The following MAGI3 variants were observed in gnomAD, a reference collection of about 807,000 sequenced individuals.
The protein encoded by MAGI3 is membrane-associated guanylate kinase, WW and PDZ domain-containing protein 3.
Under a neutral mutation model 121.8 loss-of-function variants are expected in MAGI3, and 43 were observed. The observed-to-expected ratio is 0.35, with a 90% CI of 0.28 to 0.46. MAGI3 has a LOEUF of 0.46. MAGI3 is among the 20% of genes least tolerant of loss of function. The probability of loss-of-function intolerance (pLI) is 1.00; values close to 1 mark genes in which losing one functional copy is unlikely to be tolerated. For missense variants in MAGI3, 1,547 were observed against 1,797.3 expected, an observed-to-expected ratio of 0.86 and a Z score of 2.52; for synonymous variants, 553 against 639.3, an observed-to-expected ratio of 0.86 and a Z score of 2.04.
chr1:113,437,806 T>TCTTCTTCTTC (rs1557756798), intron 1 of MAGI3, among the ~76,000 whole-genome samples: 1 of 119,500 alleles, frequency 8.4e-6, no homozygotes. Context: ...TCTTTCTTCT[T>TCTTCTTCTTC]TTCTTCTTCT....
chr1:113,522,798 C>T (rs889095213), intron 1 of MAGI3, among the ~76,000 whole-genome samples: 6 of 152,006 alleles, frequency 3.9e-5, no homozygotes, highest in Admixed American at 6.6e-5. Flanking sequence ...TTTTTTTAAA[C>T]GAAACTACTT....
intron 1 of MAGI3, among the ~76,000 whole-genome samples, chr1:113,402,750 G>A (rs775145342): frequency 1.3e-5 from 2 of 152,140 alleles, no homozygotes; most frequent in Non-Finnish European, 2.9e-5. Context: ...CGGCTGCAGT[G>A]ATGGCATAAC....
At chr1:113,647,934 TCCC>T (rs5777163) in intron 12 of MAGI3, among the ~76,000 whole-genome samples, 1 of 146,964 alleles carries the variant, frequency 6.8e-6, no homozygotes, top group African/African-American at 2.6e-5. Context: ...TTTTTTTTTT[TCCC>T]CTGAGACAGA....
chr1:113,642,296 T>G lies in MAGI3; in HGVS notation c.1746T>G (p.Ile582Met), dbSNP rs2101824336. ...CTGAACTAGTGACTATCCCTTTGAT[T>G]AAGGGCCCTAAAGGGTTTGGGTTTG... ...SQPELVTIPL[I>M]KGPKGFGFAI... The change falls in exon 10 of 21, where the codon ATT becomes ATG. Residue 582 changes from isoleucine (I) to methionine (M), a missense_variant. Coordinates refer to ENST00000307546, the MANE Select transcript of MAGI3 (RefSeq NM_001142782.2). 6.2e-7 allele frequency: 1 copy of G among 1,614,128 alleles called. No individual in the cohort carries two copies. The highest frequency in any genetic ancestry group is 8.5e-7 in the Non-Finnish European group (1 of 1,180,034).
At position 113,679,742 on chromosome 1, in the gene MAGI3, G is replaced by A. The variant is rs995335177; in HGVS notation, c.3190-1456G>A. Among the ~76,000 whole-genome samples the A allele has an allele frequency of 2.8e-5, 4 of 143,976 alleles. No homozygotes were observed. In the South Asian group the frequency reaches 6.5e-4, roughly 24 times the overall value. The allele number at this position is 143,976 out of a possible 152,430, so 94.5% of individuals were successfully genotyped here. A position where few individuals can be genotyped will look rare whatever the true frequency, so the allele number is the denominator to read the frequency against. On this transcript the variant is annotated intron_variant, in intron 19 of 20. Coordinates refer to ENST00000307546, the MANE Select transcript of MAGI3 (RefSeq NM_001142782.2). ...TTTTTTTTGAGACGGAGTTTCGCTC[G>A]CTGCCCAGACTGGAGTGCAGTGGTG...
chr1:113,569,315 C>G (rs1660561602), intron 2 of MAGI3, among the ~76,000 whole-genome samples: 1 of 152,076 alleles, frequency 6.6e-6, no homozygotes, highest in Admixed American at 6.6e-5. Flanking sequence ...TTTGCCCTAT[C>G]TTCATTATTT....
chr1:113,679,439 G>A, intron 19 of MAGI3, among the ~76,000 whole-genome samples: 1 of 152,078 alleles, frequency 6.6e-6, no homozygotes, highest in Admixed American at 6.6e-5. Flanking sequence ...ACATGATTTC[G>A]CTCTTTTTAT....
rs373317541 is a variant in MAGI3, at chr1:113,448,426, T to C, written c.316+57077T>C. 3.3e-5 allele frequency among the ~76,000 whole-genome samples: 5 copies of C among 152,328 alleles called. No individual in the cohort carries two copies. In the East Asian group the frequency reaches 9.6e-4, roughly 29 times the overall value. ...TGAACCTACCCTTCTCCTTTCACAT[T>C]ATATCACCAGTATAAGAGCAGAATT... On this transcript the variant is annotated intron_variant, in intron 1 of 20. Coordinates refer to ENST00000307546, the MANE Select transcript of MAGI3 (RefSeq NM_001142782.2).
chr1:113,473,024 T>G (rs1292829560), intron 1 of MAGI3, among the ~76,000 whole-genome samples: 1 of 152,206 alleles, frequency 6.6e-6, no homozygotes, highest in Non-Finnish European at 1.5e-5. Flanking sequence ...TATTCTGAAT[T>G]TGAATTTATA....
intron 1 of MAGI3, among the ~76,000 whole-genome samples, chr1:113,445,380 T>A (rs1349468061): frequency 6.6e-6 from 1 of 151,954 alleles, no homozygotes; most frequent in Non-Finnish European, 1.5e-5. Flanking sequence ...GGTGAGAGGA[T>A]CATTTGAGGC....
At chr1:113,638,691 C>A (rs1343330930) in intron 9 of MAGI3, among the ~76,000 whole-genome samples, 1 of 152,236 alleles carries the variant, frequency 6.6e-6, no homozygotes, top group Non-Finnish European at 1.5e-5. Flanking sequence ...GTCAGGGACC[C>A]ACTTGAGGAG....
At chr1:113,666,663 G>T (rs936216148) in intron 16 of MAGI3, among the ~76,000 whole-genome samples, 10 of 152,240 alleles carry the variant, frequency 6.6e-5, no homozygotes, top group African/African-American at 2.2e-4. Flanking sequence ...TGATATTTTT[G>T]ACCTCTTCCC....
At chr1:113,450,625 TG>T in intron 1 of MAGI3, 2 of 1,051,916 alleles carry the variant, frequency 1.9e-6, no homozygotes, top group Non-Finnish European at 1.5e-6. Context: ...AATCAAATTA[TG>T]GACCCGTGAA....
intron 19 of MAGI3, among the ~76,000 whole-genome samples, chr1:113,676,022 CCTCCT>C: frequency 6.6e-6 from 1 of 151,698 alleles, no homozygotes; most frequent in Non-Finnish European, 1.5e-5. Context: ...CCTCCCCTCC[CCTCCT>C]ATCTTCTCTT....
intron 6 of MAGI3, among the ~76,000 whole-genome samples, chr1:113,600,561 T>G (rs1294339889): frequency 1.3e-5 from 2 of 151,696 alleles, no homozygotes; most frequent in Admixed American, 6.6e-5. Context: ...CACTGCTCAA[T>G]GAAATAAAAG....
At chr1:113,596,293 T>G (rs1042560780) in intron 6 of MAGI3, among the ~76,000 whole-genome samples, 1 of 152,154 alleles carries the variant, frequency 6.6e-6, no homozygotes, top group African/African-American at 2.4e-5. Context: ...CCAACTGATA[T>G]GGAAAAATGA....
At chr1:113,561,692 G>A (rs1660240847) in intron 2 of MAGI3, among the ~76,000 whole-genome samples, 2 of 152,220 alleles carry the variant, frequency 1.3e-5, no homozygotes, top group South Asian at 4.1e-4. Flanking sequence ...CATTCCCCTT[G>A]AAAACCAGCA....
chr1:113,619,939 A>G, intron 8 of MAGI3, 109 bp downstream of exon 8: 2 of 693,478 alleles, frequency 2.9e-6, no homozygotes, highest in Non-Finnish European at 5.0e-6. Flanking sequence ...GACACTAAAG[A>G]GTGTCTAGTT....
At chr1:113,497,184 G>A (rs1157746266) in intron 1 of MAGI3, among the ~76,000 whole-genome samples, 2 of 151,808 alleles carry the variant, frequency 1.3e-5, no homozygotes, top group African/African-American at 2.4e-5. Context: ...TTGATCCCAG[G>A]AGGTGGAGGT....
Sources: gnomAD v4.1 joint callset for allele counts (sites outside exome capture counted in the v4.1 genomes callset) on GRCh38, gnomAD v4.1.1 for gene constraint, MANE v1.5 for transcripts, NCBI Gene and HGNC (gene_info 2026-07-23, HGNC 2026-07-21) for gene names.